The following CELF4 variants were observed in gnomAD, a reference collection of about 807,000 sequenced individuals.
CELF4 encodes the protein CUGBP Elav-like family member 4.
Under a neutral mutation model 59.9 loss-of-function variants are expected in CELF4, and 18 were observed. That is an observed-to-expected ratio of 0.30 (90% CI 0.21 to 0.45). The LOEUF (loss-of-function observed/expected upper bound fraction) is 0.45, where lower values mean the gene tolerates loss of function less well. Among genes scored for constraint, CELF4 ranks in the 20% least tolerant of loss-of-function variants. The pLI, the probability that CELF4 is intolerant of heterozygous loss-of-function variation, is 1.00. For synonymous variants in CELF4, 261 were observed against 267.1 expected (o/e 0.98, Z 0.22); for missense variants, 456 against 689.0 (o/e 0.66, Z 3.79).
intron 3 of CELF4, chr18:37,276,565 T>C (rs542056944): frequency 1.3e-5 from 2 of 152,248 alleles, no homozygotes; most frequent in East Asian, 3.9e-4. Flanking sequence ...AGGCCCCAGC[T>C]GACAGCCAAC....
intron 10 of CELF4, among the ~76,000 whole-genome samples, chr18:37,261,959 T>C (rs932593468): frequency 3.3e-5 from 5 of 152,216 alleles, no homozygotes; most frequent in Non-Finnish European, 7.3e-5. Context: ...CACAGCCTTC[T>C]TTCTTGTTCA....
intron 12 of CELF4, among the ~76,000 whole-genome samples, chr18:37,251,217 G>C (rs958471200): frequency 5.9e-5 from 7 of 118,346 alleles, no homozygotes; most frequent in African/African-American, 4.6e-4. Context: ...GTTACTTCTC[G>C]GAGCAGTGCC....
At chr18:37,350,735 G>A (rs537630117) in intron 2 of CELF4, among the ~76,000 whole-genome samples, 20 of 152,236 alleles carry the variant, frequency 1.3e-4, no homozygotes, top group Non-Finnish European at 2.4e-4. Context: ...TTATCTCTCC[G>A]AGTCTAGCAG....
chr18:37,295,343 G>T (rs1400333193), intron 3 of CELF4, among the ~76,000 whole-genome samples: 2 of 152,246 alleles, frequency 1.3e-5, no homozygotes, highest in African/African-American at 2.4e-5. Flanking sequence ...CTTGAATCCA[G>T]ATTGGGATGG....
chr18:37,526,738 A>C (rs1434631571), intron 1 of CELF4, among the ~76,000 whole-genome samples: 1 of 152,226 alleles, frequency 6.6e-6, no homozygotes, highest in Non-Finnish European at 1.5e-5. Flanking sequence ...GGCAGGAAGA[A>C]AGGGGTCCCT....
chr18:37,429,012 T>G (rs1208811181), intron 2 of CELF4, among the ~76,000 whole-genome samples: 1 of 152,162 alleles, frequency 6.6e-6, no homozygotes, highest in Non-Finnish European at 1.5e-5. Context: ...TGCAGGGGCC[T>G]GAGCAATTGC....
At chr18:37,318,232 A>T (rs1254997142) in intron 3 of CELF4, among the ~76,000 whole-genome samples, 1 of 148,034 alleles carries the variant, frequency 6.8e-6, no homozygotes, top group East Asian at 2.0e-4. Flanking sequence ...CCCTCGCACC[A>T]CTGTGCCCCA....
chr18:37,465,306 T>G (rs780188265), intron 2 of CELF4, among the ~76,000 whole-genome samples: 2 of 152,092 alleles, frequency 1.3e-5, no homozygotes, highest in Admixed American at 1.3e-4. Context: ...AAACAGAATA[T>G]CCAATCAACC....
chr18:37,505,668 C>A (rs1274189736), intron 1 of CELF4, among the ~76,000 whole-genome samples: 2 of 152,158 alleles, frequency 1.3e-5, no homozygotes, highest in African/African-American at 4.8e-5. Flanking sequence ...GCTTTGGCAT[C>A]AGACAGACCT....
intron 6 of CELF4, 151 bp downstream of exon 6, chr18:37,274,160 C>G: frequency 6.8e-7 from 1 of 1,465,034 alleles, no homozygotes. Flanking sequence ...TGAAGTTAAA[C>G]CCCCCAGGTT....
intron 1 of CELF4, among the ~76,000 whole-genome samples, chr18:37,494,633 C>T (rs763125694): frequency 2.0e-4 from 30 of 152,168 alleles, no homozygotes; most frequent in Non-Finnish European, 2.9e-4. Context: ...GGATGGGGTG[C>T]GTATCGTCGG....
intron 2 of CELF4, among the ~76,000 whole-genome samples, chr18:37,423,208 A>C (rs1449969552): frequency 2.0e-5 from 3 of 152,228 alleles, no homozygotes; most frequent in Non-Finnish European, 2.9e-5. Context: ...TGTTCCAGGA[A>C]GATGGGTTGA....
chr18:37,401,959 T>A (rs2099330534), intron 2 of CELF4, among the ~76,000 whole-genome samples: 1 of 152,246 alleles, frequency 6.6e-6, no homozygotes, highest in Admixed American at 6.5e-5. Context: ...CATCACTCTC[T>A]GGTTATAGCC....
chr18:37,259,571 G>A (rs1387481181), intron 10 of CELF4, among the ~76,000 whole-genome samples: 1 of 152,150 alleles, frequency 6.6e-6, no homozygotes, highest in East Asian at 1.9e-4. Context: ...AGGCGGAGTC[G>A]ACCTACTGCT....
At chr18:37,470,883 T>TGAGAGA (rs1569569556) in intron 2 of CELF4, among the ~76,000 whole-genome samples, 1 of 83,530 alleles carries the variant, frequency 1.2e-5, no homozygotes, top group Non-Finnish European at 2.4e-5. Flanking sequence ...TGTGTGTGTG[T>TGAGAGA]GTGTGACAGA....
Position 37,435,734 on chromosome 18 carries a change from CCT to C in CELF4, c.369+49789_369+49790del, listed in dbSNP as rs547697713. Among the ~76,000 whole-genome samples the C allele has an allele frequency of 2.8e-3, 425 of 152,246 alleles. 3 individuals carry two copies. Among genetic ancestry groups the C allele is most frequent in the Non-Finnish European group, 5.1e-3 (345 of 68,004 alleles). On this transcript the variant is annotated intron_variant, in intron 2 of 12. Coordinates refer to ENST00000420428, the MANE Select transcript of CELF4 (RefSeq NM_020180.4). ...CGACTCTCAGCAGGGGAGGCTGCAC[CCT>C]GTCAGTTCAGCCTCAGTTGACACCC...
At chr18:37,465,846 T>C (rs2099806934) in intron 2 of CELF4, among the ~76,000 whole-genome samples, 1 of 152,078 alleles carries the variant, frequency 6.6e-6, no homozygotes, top group Non-Finnish European at 1.5e-5. Flanking sequence ...GGGCAGGGGA[T>C]GCATTCAGAT....
intron 2 of CELF4, among the ~76,000 whole-genome samples, chr18:37,360,429 T>C (rs1003434107): frequency 1.3e-5 from 2 of 152,188 alleles, no homozygotes; most frequent in Non-Finnish European, 2.9e-5. Flanking sequence ...GCCCTTCAAG[T>C]GGACCCCTGA....
intron 2 of CELF4, among the ~76,000 whole-genome samples, chr18:37,433,314 A>G (rs1457035176): frequency 1.3e-5 from 2 of 152,120 alleles, no homozygotes; most frequent in Admixed American, 1.3e-4. Flanking sequence ...TCCATGGTTA[A>G]AGGTGGCCTG....
Sources: gnomAD v4.1 joint callset for allele counts (sites outside exome capture counted in the v4.1 genomes callset) on GRCh38, gnomAD v4.1.1 for gene constraint, MANE v1.5 for transcripts, NCBI Gene and HGNC (gene_info 2026-07-23, HGNC 2026-07-21) for gene names.